The following CCR5AS variants were observed in gnomAD, a reference collection of about 807,000 sequenced individuals.
The protein encoded by CCR5AS is CCR5 antisense RNA.
intron 2 of CCR5AS, among the ~76,000 whole-genome samples, chr3:46,390,290 A>G (rs1305871690): frequency 1.3e-5 from 2 of 152,126 alleles, no homozygotes; most frequent in African/African-American, 4.8e-5. Flanking sequence ...GGAAGGGTGT[A>G]TTGAAGATAG....
intron 3 of CCR5AS, among the ~76,000 whole-genome samples, chr3:46,367,178 C>T (rs1419332870): frequency 6.6e-6 from 1 of 151,824 alleles, no homozygotes; most frequent in Non-Finnish European, 1.5e-5. Context: ...GCAAAAGGCA[C>T]CTTCTGAAGT....
At chr3:46,375,895 AGGT>A (rs1701750137) in intron 2 of CCR5AS, 1 of 167,010 alleles carries the variant, frequency 6.0e-6, no homozygotes. Flanking sequence ...AGTACAGGTA[AGGT>A]GAGGGAATAG....
chr3:46,379,178 C>T (rs904047925), intron 2 of CCR5AS, among the ~76,000 whole-genome samples: 1 of 124,932 alleles, frequency 8.0e-6, no homozygotes, highest in Non-Finnish European at 1.7e-5. Flanking sequence ...CCCCTCCCCC[C>T]ACCCCACCAC....
intron 2 of CCR5AS, chr3:46,373,158 T>G: frequency 6.2e-7 from 1 of 1,614,120 alleles, no homozygotes; most frequent in Non-Finnish European, 8.5e-7. Context: ...TGTCCCCTTC[T>G]GGGCTCACTA....
chr3:46,386,618 C>A (rs1368691139), intron 2 of CCR5AS, among the ~76,000 whole-genome samples: 1 of 152,168 alleles, frequency 6.6e-6, no homozygotes, highest in Non-Finnish European at 1.5e-5. Context: ...GGAATTGTTG[C>A]ACATTAACAG....
chr3:46,387,122 T>C (rs1657581568), intron 2 of CCR5AS, among the ~76,000 whole-genome samples: 1 of 152,174 alleles, frequency 6.6e-6, no homozygotes, highest in African/African-American at 2.4e-5. Context: ...AGGACCATTG[T>C]GGTGGACACA....
At chr3:46,373,831 T>C (rs1701712203) in intron 2 of CCR5AS, 11 of 1,614,062 alleles carry the variant, frequency 6.8e-6, no homozygotes, top group Non-Finnish European at 8.5e-6. Context: ...TACCTCTTAG[T>C]CTTCTTCCAA....
chr3:46,380,766 A>G (rs958773067), intron 2 of CCR5AS, among the ~76,000 whole-genome samples: 1 of 152,266 alleles, frequency 6.6e-6, no homozygotes, highest in Admixed American at 6.5e-5. Flanking sequence ...TTTTACAAAT[A>G]GTGAGGTTAA....
chr3:46,385,165 G>A (rs142419555), intron 2 of CCR5AS, among the ~76,000 whole-genome samples: 2 of 152,162 alleles, frequency 1.3e-5, no homozygotes, highest in South Asian at 2.1e-4. Context: ...CCCCATTCAC[G>A]TGTTAATTCA....
At chr3:46,389,007 G>A (rs889939784) in intron 2 of CCR5AS, among the ~76,000 whole-genome samples, 6 of 152,038 alleles carry the variant, frequency 3.9e-5, no homozygotes, top group African/African-American at 1.2e-4. Context: ...ACAGGGGCAG[G>A]GCATTTATGA....
At chr3:46,391,420 AT>A (rs1276628155) in intron 2 of CCR5AS, among the ~76,000 whole-genome samples, 6 of 152,152 alleles carry the variant, frequency 3.9e-5, no homozygotes, top group African/African-American at 1.4e-4. Flanking sequence ...CTGGAATCTA[AT>A]TTTTGGAGCT....
At chr3:46,398,710 T>C (rs866836052) in intron 1 of CCR5AS, among the ~76,000 whole-genome samples, 2 of 152,272 alleles carry the variant, frequency 1.3e-5, no homozygotes, top group African/African-American at 4.8e-5. Context: ...TTTCTTGTCT[T>C]TTTTTCTTTT....
chr3:46,403,099 C>G (rs2106781947), intron 1 of CCR5AS, among the ~76,000 whole-genome samples: 1 of 152,310 alleles, frequency 6.6e-6, no homozygotes, highest in Admixed American at 6.5e-5. Context: ...GCATAGTATT[C>G]CATGGTGTAT....
intron 2 of CCR5AS, among the ~76,000 whole-genome samples, chr3:46,383,427 G>A (rs1040181000): frequency 1.3e-5 from 2 of 152,150 alleles, no homozygotes; most frequent in Non-Finnish European, 2.9e-5. Context: ...AGGAATTAAC[G>A]TGTTAAGAGC....
At chr3:46,401,272 A>C (rs1702003957) in intron 1 of CCR5AS, among the ~76,000 whole-genome samples, 1 of 152,256 alleles carries the variant, frequency 6.6e-6, no homozygotes, top group East Asian at 1.9e-4. Flanking sequence ...GAAATGCTGC[A>C]AAGTGTATTA....
chr3:46,381,770 T>C lies in CCR5AS; in HGVS notation n.392-10353A>G, dbSNP rs534926752. Reference sequence around the variant, plus strand: ...TGTTGATTGGCTAACTCAATCTTCCTGTGCCAAAAAGCAGAGCCCAGCAGA... The same window carrying C: ...TGTTGATTGGCTAACTCAATCTTCCCGTGCCAAAAAGCAGAGCCCAGCAGA... On this transcript the variant is annotated intron_variant and non_coding_transcript_variant, in intron 2 of 3. Transcript: ENST00000451485. 2.0e-5 allele frequency among the ~76,000 whole-genome samples: 3 copies of C among 152,328 alleles called. No individual in the cohort carries two copies. In the South Asian group the frequency reaches 6.2e-4, roughly 32 times the overall value.
At chr3:46,387,481 A>G (rs1701874127) in intron 2 of CCR5AS, among the ~76,000 whole-genome samples, 1 of 152,172 alleles carries the variant, frequency 6.6e-6, no homozygotes, top group South Asian at 2.1e-4. Flanking sequence ...CATTCTCAGA[A>G]TGAAGTAGTT....
rs897622330 is a variant in CCR5AS at position 46,378,192 on chromosome 3, G to T, written n.392-6775C>A. Among the ~76,000 whole-genome samples the T allele has an allele frequency of 3.3e-4, 50 of 152,082 alleles. 1 individual carries two copies. The highest frequency in any genetic ancestry group is 1.5e-5 in the Non-Finnish European group (1 of 68,004). ...ATAAAATTCACTGTAAAAGTTGCTTGTATTTTTCCAAAACAGAGTCAACCC... is the reference window on the plus strand; with the variant it reads ...ATAAAATTCACTGTAAAAGTTGCTTTTATTTTTCCAAAACAGAGTCAACCC... On this transcript the variant is annotated intron_variant and non_coding_transcript_variant, in intron 2 of 3. Transcript: ENST00000451485.
Sources: allele counts gnomAD v4.1 joint callset (sites outside exome capture counted in the v4.1 genomes callset), GRCh38; gene constraint gnomAD v4.1.1; transcripts MANE v1.5; gene names NCBI Gene and HGNC (gene_info 2026-07-23, HGNC 2026-07-21).